The following TRMT10C variants were observed in gnomAD, a reference collection of about 807,000 sequenced individuals.
TRMT10C encodes tRNA methyltransferase 10 homolog C.
A neutral mutation model predicts 27.4 loss-of-function variants in TRMT10C; 14 were observed. The observed-to-expected ratio is 0.51, with a 90% CI of 0.34 to 0.80. The LOEUF (loss-of-function observed/expected upper bound fraction) is 0.80. Ranked by LOEUF, TRMT10C falls within the 30% of genes least tolerant of loss-of-function variation. The pLI is 0.02. For missense variants in TRMT10C, 438 were observed against 464.8 expected, an observed-to-expected ratio of 0.94 and a Z score of 0.53; for synonymous variants, 143 against 155.9, an observed-to-expected ratio of 0.92 and a Z score of 0.62.
chr3:101,565,737 C>G lies in TRMT10C; in HGVS notation c.956C>G (p.Pro319Arg). Residue 319 changes from proline (P) to arginine (R), a missense_variant, in exon 2 of 2, where the codon CCA becomes CGA. Pro to Arg is a moderately radical substitution (Grantham distance 103). Coordinates refer to ENST00000309922, the MANE Select transcript of TRMT10C (RefSeq NM_017819.4). The part of the protein sequence containing the change: ...IGSFVDKSMQ[P>R]GTSLAKAKRL... ...TCTTTTGTTGATAAGAGTATGCAGCCAGGCACATCCCTAGCCAAGGCAAAA... is the reference window on the plus strand; with the variant it reads ...TCTTTTGTTGATAAGAGTATGCAGCGAGGCACATCCCTAGCCAAGGCAAAA... 1.2e-6 allele frequency: 2 copies of G among 1,614,192 alleles called. No homozygotes were observed. Among genetic ancestry groups the G allele is most frequent in the African/African-American group, 2.7e-5 (2 of 75,038 alleles).
At chr3:101,563,354 C>T (rs955816954) in intron 1 of TRMT10C, among the ~76,000 whole-genome samples, 3 of 151,988 alleles carry the variant, frequency 2.0e-5, no homozygotes, top group Non-Finnish European at 2.9e-5. Context: ...GACAGGGTTT[C>T]GCCATGTTGG....
chr3:101,565,914 A>G lies in TRMT10C; in HGVS notation c.1133A>G (p.Lys378Arg). ...NWQEALQFVP[K>R]RKHTGFLEIS... ...CAAGAGGCTCTGCAATTCGTTCCCA[A>G]GAGAAAACATACTGGTTTTCTGGAG... Residue 378 changes from lysine (K) to arginine (R), a missense_variant, in exon 2 of 2, where the codon AAG becomes AGG. Around this residue, in one of 3 missense-constraint regions of TRMT10C, gnomAD observed 84 missense variants for 76.5 expected, o/e 1.10. Coordinates refer to ENST00000309922, the MANE Select transcript of TRMT10C (RefSeq NM_017819.4). The G allele has an allele frequency of 6.2e-7, 1 of 1,614,164 alleles. No individual in the cohort carries two copies. Among genetic ancestry groups the G allele is most frequent in the Non-Finnish European group, 8.5e-7 (1 of 1,180,004 alleles).
chr3:101,565,559 A>C lies in TRMT10C; in HGVS notation c.778A>C (p.Lys260Gln), dbSNP rs767388577. 12 of 1,613,998 alleles carry C rather than the reference A, an allele frequency of 7.4e-6. No homozygotes were observed. Among genetic ancestry groups the C allele is most frequent in the Non-Finnish European group, 1.0e-5 (12 of 1,179,988 alleles). ...IDGALHRELV[K>Q]RYQEKWDKLL... ...TGGTGCTTTGCACAGAGAGTTAGTT[A>C]AACGGTATCAAGAAAAATGGGACAA... is the stretch of plus-strand genomic sequence containing the variant. Residue 260 changes from lysine to glutamine, a missense_variant, in exon 2 of 2, where the codon AAA (lysine) becomes CAA (glutamine). Physicochemically the swap from Lys to Gln is moderately conservative, Grantham distance 53 (BLOSUM62 1). Coordinates refer to ENST00000309922, the MANE Select transcript of TRMT10C (RefSeq NM_017819.4).
Position 101,565,699 on chromosome 3 carries a change from T to G in TRMT10C, c.918T>G (p.Val306=). 6.2e-7 allele frequency: 1 copy of G among 1,614,220 alleles called. No homozygotes were observed. The change falls in exon 2 of 2, where the codon GTT becomes GTG. Residue 306 remains valine (V), a synonymous_variant. Transcript: ENST00000309922. The part of the protein sequence containing the change: ...NVMTTFRHDK[V]YVIGSFVDKS... Reference sequence around the variant, plus strand: ...TGACTACTTTCAGGCATGACAAAGTTTATGTAATTGGGTCTTTTGTTGATA... The same window carrying G: ...TGACTACTTTCAGGCATGACAAAGTGTATGTAATTGGGTCTTTTGTTGATA...
In TRMT10C at chr3:101,565,854, G is replaced by A. The variant is rs1378361147; in HGVS notation, c.1073G>A (p.Arg358His). 4 of 1,613,972 alleles carry A rather than the reference G, an allele frequency of 2.5e-6. No homozygotes were observed. The highest frequency in any genetic ancestry group is 1.3e-5 in the African/African-American group (1 of 74,914). ...AATCTCACCTTAGATCAAATGATAC[G>A]TATTTTGTTATGTCTGAAAAACAAT... is the stretch of plus-strand genomic sequence containing the variant. ...NKNLTLDQMI[R>H]ILLCLKNNGN... is the part of the protein sequence containing the mutation. Residue 358 changes from arginine to histidine, a missense_variant, in exon 2 of 2, where the codon CGT (arginine) becomes CAT (histidine). This residue lies in a region of TRMT10C where 84 missense variants were observed against 76.5 expected (regional missense o/e 1.10). Coordinates refer to ENST00000309922, the MANE Select transcript of TRMT10C (RefSeq NM_017819.4).
chr3:101,565,185 A>G lies in TRMT10C; in HGVS notation c.404A>G (p.Tyr135Cys). The G allele has an allele frequency of 6.4e-7, 1 of 1,569,270 alleles. No homozygotes were observed. Among genetic ancestry groups the G allele is most frequent in the African/African-American group, 1.4e-5 (1 of 71,848 alleles). The change falls in exon 2 of 2, where the codon TAT (tyrosine) becomes TGT (cysteine). Residue 135 changes from tyrosine (Y) to cysteine (C), a missense_variant. This residue lies in a region of TRMT10C where 350 missense variants were observed against 370.5 expected (regional missense o/e 0.94). Transcript: ENST00000309922. The part of the protein sequence containing the change: ...SNTAKKKYLK[Y>C]LYTKEKVKKA... Reference sequence around the variant, plus strand: ...ACAGCAAAAAAAAAATATTTAAAATATTTATATACGAAGGAAAAAGTGAAA... The same window carrying G: ...ACAGCAAAAAAAAAATATTTAAAATGTTTATATACGAAGGAAAAAGTGAAA...
At chr3:101,563,458 T>A (rs188822389) in intron 1 of TRMT10C, among the ~76,000 whole-genome samples, 8 of 152,214 alleles carry the variant, frequency 5.3e-5, no homozygotes, top group African/African-American at 1.9e-4. Context: ...GCACCCGGCC[T>A]GCATTTGAGA....
chr3:101,565,844 C>A lies in TRMT10C; in HGVS notation c.1063C>A (p.Gln355Lys). 7 of 1,614,076 alleles carry A rather than the reference C, an allele frequency of 4.3e-6. No individual in the cohort carries two copies. The highest frequency in any genetic ancestry group is 5.9e-6 in the Non-Finnish European group (7 of 1,179,996). Residue 355 changes from glutamine (Q) to lysine (K), a missense_variant, in exon 2 of 2, where the codon CAA becomes AAA. Gln to Lys is a moderately conservative substitution (Grantham distance 53). Coordinates refer to ENST00000309922, the MANE Select transcript of TRMT10C (RefSeq NM_017819.4). Reference sequence around the variant, plus strand: ...TGGTAACAAAAATCTCACCTTAGATCAAATGATACGTATTTTGTTATGTCT... The same window carrying A: ...TGGTAACAAAAATCTCACCTTAGATAAAATGATACGTATTTTGTTATGTCT... ...EIGNKNLTLD[Q>K]MIRILLCLKN...
chr3:101,565,924 T>G lies in TRMT10C; in HGVS notation c.1143T>G (p.His381Gln). 3.1e-6 allele frequency: 5 copies of G among 1,613,720 alleles called. No individual in the cohort carries two copies. Among genetic ancestry groups the G allele is most frequent in the Non-Finnish European group, 4.2e-6 (5 of 1,179,760 alleles). Reference protein sequence around the residue: ...EALQFVPKRKHTGFLEISQHS... With the variant: ...EALQFVPKRKQTGFLEISQHS... The stretch of plus-strand genomic sequence containing the variant: ...TGCAATTCGTTCCCAAGAGAAAACA[T>G]ACTGGTTTTCTGGAGATTTCTCAGC... The change falls in exon 2 of 2, where the codon CAT becomes CAG. Residue 381 changes from histidine to glutamine, a missense_variant. Physicochemically the swap from His to Gln is conservative, Grantham distance 24. Coordinates refer to ENST00000309922, the MANE Select transcript of TRMT10C (RefSeq NM_017819.4).
chr3:101,564,910 A>C lies in TRMT10C; in HGVS notation c.129A>C (p.Lys43Asn), dbSNP rs1934483829. ...LTILQRYMSS[K>N]IPAVTYPKNE... ...TTTTGCAGAGATACATGTCTTCCAA[A>C]ATACCAGCTGTTACTTATCCTAAAA... is the stretch of plus-strand genomic sequence containing the variant. The change falls in exon 2 of 2, where the codon AAA (lysine) becomes AAC (asparagine). Residue 43 changes from lysine (K) to asparagine (N), a missense_variant. This residue lies in a region of TRMT10C where 350 missense variants were observed against 370.5 expected (regional missense o/e 0.94). Transcript: ENST00000309922. 6.2e-7 allele frequency: 1 copy of C among 1,613,960 alleles called. No homozygotes were observed. Among genetic ancestry groups the C allele is most frequent in the African/African-American group, 1.3e-5 (1 of 74,894 alleles).
chr3:101,564,595 G>A (rs1353768121), intron 1 of TRMT10C, among the ~76,000 whole-genome samples, 175 bp from the exon 2 acceptor site: 1 of 152,096 alleles, frequency 6.6e-6, no homozygotes, highest in African/African-American at 2.4e-5. Context: ...TTTACTCAAT[G>A]AGTGATCACA....
At chr3:101,563,071 A>G (rs1934448977) in intron 1 of TRMT10C, among the ~76,000 whole-genome samples, 1 of 152,186 alleles carries the variant, frequency 6.6e-6, no homozygotes, top group South Asian at 2.1e-4. Context: ...TTGTGAAGCA[A>G]AGGTAGAGGG....
rs766998297 is a variant in TRMT10C, at chr3:101,564,986, A to G, written c.205A>G (p.Thr69Ala). Residue 69 changes from threonine (T) to alanine (A), a missense_variant, in exon 2 of 2, where the codon ACC (threonine) becomes GCC (alanine). Physicochemically the swap from Thr to Ala is moderately conservative, Grantham distance 58 (BLOSUM62 0). Transcript: ENST00000309922. ...GCTAGAGTTGGATAAGTGGAAAACTACCATGAAATCTAGTGTGCAAGAAGA... is the reference window on the plus strand; with the variant it reads ...GCTAGAGTTGGATAAGTGGAAAACTGCCATGAAATCTAGTGTGCAAGAAGA... ...EELELDKWKT[T>A]MKSSVQEECV... 18 of 1,613,722 alleles carry G rather than the reference A, an allele frequency of 1.1e-5. No homozygotes were observed. The South Asian group carries it at 1.8e-4, about 16-fold the overall frequency.
At chr3:101,562,684 C>A (rs1256100165) in intron 1 of TRMT10C, among the ~76,000 whole-genome samples, 3 of 143,810 alleles carry the variant, frequency 2.1e-5, no homozygotes, top group African/African-American at 5.2e-5. Context: ...CTTTTTTTTT[C>A]TTTTTTTTTT....
Position 101,565,189 on chromosome 3 carries a change from A to G in TRMT10C, c.408A>G (p.Leu136=), listed in dbSNP as rs776266724. ...CAAAAAAAAAATATTTAAAATATTT[A>G]TATACGAAGGAAAAAGTGAAAAAAG... ...NTAKKKYLKY[L]YTKEKVKKAR... The change falls in exon 2 of 2, where the codon TTA becomes TTG. Residue 136 remains leucine, a synonymous_variant. Coordinates refer to ENST00000309922, the MANE Select transcript of TRMT10C (RefSeq NM_017819.4). 13 of 1,573,866 alleles carry G rather than the reference A, an allele frequency of 8.3e-6. No individual in the cohort carries two copies. Among genetic ancestry groups the G allele is most frequent in the African/African-American group, 4.2e-5 (3 of 72,008 alleles).
Position 101,565,392 on chromosome 3 carries a change from C to T in TRMT10C, c.611C>T (p.Pro204Leu), listed in dbSNP as rs751401350. 2.5e-6 allele frequency: 4 copies of T among 1,614,116 alleles called. No homozygotes were observed. The highest frequency in any genetic ancestry group is 8.5e-7 in the Non-Finnish European group (1 of 1,180,024). The change falls in exon 2 of 2, where the codon CCT (proline) becomes CTT (leucine). Residue 204 changes from proline (P) to leucine (L), a missense_variant. Physicochemically the swap from Pro to Leu is moderately conservative, Grantham distance 98. Transcript: ENST00000309922. ...GCCCAGGCCATGCAGTTTGGACAAC[C>T]TTTGGTTTTTGACATGGCTTACGAA... ...KGAQAMQFGQ[P>L]LVFDMAYENY...
At chr3:101,563,240 C>T (rs1934451770) in intron 1 of TRMT10C, among the ~76,000 whole-genome samples, 1 of 130,358 alleles carries the variant, frequency 7.7e-6, no homozygotes, top group Non-Finnish European at 1.7e-5. Flanking sequence ...ATCAGCCTCA[C>T]GAGTACCTGG....
intron 1 of TRMT10C, among the ~76,000 whole-genome samples, 178 bp from the exon 2 acceptor site, chr3:101,564,592 A>G (rs1397912231): frequency 1.3e-5 from 2 of 152,096 alleles, no homozygotes; most frequent in African/African-American, 4.8e-5. Context: ...CTTTTTACTC[A>G]ATGAGTGATC....
chr3:101,562,577 G>C (rs1428583870), intron 1 of TRMT10C, among the ~76,000 whole-genome samples: 2 of 152,168 alleles, frequency 1.3e-5, no homozygotes, highest in African/African-American at 4.8e-5. Context: ...CGTGAACCCT[G>C]GGAGGCGGAG....
Sources: allele counts gnomAD v4.1 joint callset (sites outside exome capture counted in the v4.1 genomes callset), GRCh38; gene constraint gnomAD v4.1.1; regional missense constraint gnomAD v4.1.1; transcripts MANE v1.5; gene names NCBI Gene and HGNC (gene_info 2026-07-23, HGNC 2026-07-21).